Variants in SGK1 observed in about 807,000 individuals in gnomAD.
SGK1 encodes serine/threonine-protein kinase Sgk1.
SGK1 carries 26 observed loss-of-function variants against 64.2 expected under a neutral mutation model. That is an observed-to-expected ratio of 0.40 (90% confidence interval 0.30 to 0.56). SGK1 has a LOEUF of 0.56. SGK1 is among the 20% of genes least tolerant of loss of function. The pLI is 0.38. For synonymous variants in SGK1, 265 were observed against 239.7 expected, an observed-to-expected ratio of 1.11 and a Z score of -0.98; for missense variants, 519 against 645.6, an observed-to-expected ratio of 0.80 and a Z score of 2.12.
At chr6:134,301,562 TCTTCTCTTCTCTTCTCTTCTCTTCC>T (rs1372087205) in intron 1 of SGK1, among the ~76,000 whole-genome samples, 59 of 89,594 alleles carry the variant, frequency 6.6e-4, no homozygotes, top group Admixed American at 1.3e-3. Context: ...TCTTCTCTTC[TCTTCTCTTCTCTTCTCTTCTCTTCC>T]CTTCTCTTCT....
chr6:134,226,943 C>T (rs1392743322), intron 2 of SGK1, among the ~76,000 whole-genome samples: 1 of 152,132 alleles, frequency 6.6e-6, no homozygotes, highest in African/African-American at 2.4e-5. Context: ...ACACTTTGGC[C>T]TCCCAGAATG....
intron 1 of SGK1, among the ~76,000 whole-genome samples, chr6:134,283,817 C>G: frequency 7.5e-6 from 1 of 133,566 alleles, no homozygotes; most frequent in South Asian, 2.4e-4. Context: ...GAGCCATGAT[C>G]GCAGCACTGC....
intron 1 of SGK1, among the ~76,000 whole-genome samples, chr6:134,313,435 T>C (rs926182780): frequency 7.2e-5 from 11 of 152,138 alleles, no homozygotes; most frequent in African/African-American, 2.7e-4. Context: ...GTAGTCACTA[T>C]GCCGTTAGTT....
chr6:134,259,307 T>C (rs1776728315), intron 2 of SGK1, among the ~76,000 whole-genome samples: 1 of 152,114 alleles, frequency 6.6e-6, no homozygotes, highest in Admixed American at 6.6e-5. Context: ...ACCCTCTCTC[T>C]GCTTCTAAGT....
chr6:134,297,648 G>C, intron 1 of SGK1: 1 of 438,458 alleles, frequency 2.3e-6, no homozygotes, highest in South Asian at 2.0e-5. Flanking sequence ...AATTACAGGC[G>C]TGCACCACCA....
intron 2 of SGK1, among the ~76,000 whole-genome samples, chr6:134,239,425 C>T (rs969329978): frequency 1.3e-5 from 2 of 152,172 alleles, no homozygotes; most frequent in East Asian, 1.9e-4. Context: ...TTTGAAAGGG[C>T]GTCAGCAAAT....
At chr6:134,281,718 T>A (rs1378860625) in intron 1 of SGK1, among the ~76,000 whole-genome samples, 1 of 152,018 alleles carries the variant, frequency 6.6e-6, no homozygotes, top group Non-Finnish European at 1.5e-5. Flanking sequence ...GGTCTCACTA[T>A]GTTGCCCAGG....
intron 2 of SGK1, among the ~76,000 whole-genome samples, chr6:134,242,223 C>T (rs7763991): frequency 1.2e-4 from 18 of 152,126 alleles, no homozygotes; most frequent in African/African-American, 3.9e-4. Flanking sequence ...CGGTGGCTCA[C>T]GCCTGTAATC....
Position 134,170,393 on chromosome 6 carries a change from C to T in SGK1, c.1456G>A (p.Glu486Lys), listed in dbSNP as rs754853241. 1.6e-5 allele frequency: 26 copies of T among 1,613,896 alleles called. No homozygotes were observed. In the Admixed American group the frequency reaches 1.8e-4, roughly 11 times the overall value. ...CCAATGGAGTTGGGGACAGGCTCTT[C>T]GGTAAACTCGGGGTCAAAGTGCCGT... ...DLRHFDPEFT[E>K]EPVPNSIGKS... Residue 486 changes from glutamate to lysine, a missense_variant, in exon 14 of 14, where the codon GAA becomes AAA. Glu to Lys is a moderately conservative substitution (Grantham distance 56). Transcript: ENST00000367858.
rs1298515445 is a variant in SGK1, at chr6:134,207,392, G to A, written c.325C>T (p.Pro109Ser). 6.2e-7 allele frequency: 1 copy of A among 1,612,230 alleles called. No individual in the cohort carries two copies. Among genetic ancestry groups the A allele is most frequent in the Middle Eastern group, 1.6e-4 (1 of 6,062 alleles). The change falls in exon 3 of 14, where the codon CCC becomes TCC. Residue 109 changes from proline (P) to serine (S), a missense_variant. By Grantham distance (74) the Pro-to-Ser change is moderately conservative. Coordinates refer to ENST00000367858, the MANE Select transcript of SGK1 (RefSeq NM_001143676.3). Reference sequence around the variant, plus strand: ...TTAGTCCAGAAGGTTCTTGGATCGGGCTTGGTCAGGATGTTGGCATGATTA... The same window carrying A: ...TTAGTCCAGAAGGTTCTTGGATCGGACTTGGTCAGGATGTTGGCATGATTA... ...PCNHANILTK[P>S]DPRTFWTNDD...
chr6:134,194,151 T>C (rs1335381196), intron 3 of SGK1, among the ~76,000 whole-genome samples: 2 of 150,506 alleles, frequency 1.3e-5, no homozygotes, highest in East Asian at 3.9e-4. Context: ...TTACACAGAC[T>C]GTGGCCCCAG....
chr6:134,284,450 G>C (rs1248307753), intron 1 of SGK1, among the ~76,000 whole-genome samples: 7 of 151,406 alleles, frequency 4.6e-5, no homozygotes, highest in African/African-American at 1.7e-4. Context: ...ACTTAGAAGT[G>C]AGAACATATG....
rs548281620 is a variant in SGK1 at position 134,170,224 on chromosome 6, C to G, written c.*44G>C. 6.5e-7 allele frequency: 1 copy of G among 1,528,804 alleles called. No individual in the cohort carries two copies. Among genetic ancestry groups the G allele is most frequent in the Non-Finnish European group, 8.9e-7 (1 of 1,123,054 alleles). 94.7% of individuals were successfully genotyped at this position (1,528,804 alleles called of 1,614,324 possible). On this transcript the variant is annotated 3_prime_UTR_variant, in exon 14 of 14. Coordinates refer to ENST00000367858, the MANE Select transcript of SGK1 (RefSeq NM_001143676.3). ...CCACCAAAAGGCTAACTAAAACATT[C>G]GGAAACACACATAAAATCCTTTAAA... is the stretch of plus-strand genomic sequence containing the variant.
In SGK1 at chr6:134,310,985, A is replaced by G. The variant is rs574023306; in HGVS notation, c.69+6407T>C. 2.0e-5 allele frequency among the ~76,000 whole-genome samples: 3 copies of G among 152,352 alleles called. No homozygotes were observed. In the East Asian group the frequency reaches 5.8e-4, roughly 29 times the overall value. On this transcript the variant is annotated intron_variant, in intron 1 of 13. Transcript: ENST00000367858. ...CTGTCTTGTTTGGCCTGACAAGAAA[A>G]GTATCATAGAAGAGAAGGTGTGTTA...
At chr6:134,275,300 G>C (rs1777003487) in intron 1 of SGK1, among the ~76,000 whole-genome samples, 1 of 152,106 alleles carries the variant, frequency 6.6e-6, no homozygotes, top group African/African-American at 2.4e-5. Flanking sequence ...GCCCACCTTG[G>C]CCTCCCAAAG....
At chr6:134,186,633 A>C (rs34571507) in intron 3 of SGK1, among the ~76,000 whole-genome samples, 718 of 152,294 alleles carry the variant, frequency 4.7e-3, no homozygotes, top group Middle Eastern at 0.017. Context: ...CAAGAACCTC[A>C]GTTGATTGTG....
At chr6:134,281,862 A>G (rs192204114) in intron 1 of SGK1, among the ~76,000 whole-genome samples, 1 of 152,264 alleles carries the variant, frequency 6.6e-6, no homozygotes, top group East Asian at 1.9e-4. Context: ...CGTGCCTAAT[A>G]AGGTTTAACT....
At chr6:134,175,648 T>C (rs2114644973) in intron 3 of SGK1, 1 of 1,523,018 alleles carries the variant, frequency 6.6e-7, no homozygotes, top group East Asian at 2.6e-5. Flanking sequence ...CAGCGCGCCC[T>C]GCATCTCCCC....
intron 3 of SGK1, among the ~76,000 whole-genome samples, chr6:134,175,264 G>A (rs1018301218): frequency 3.3e-5 from 5 of 152,054 alleles, no homozygotes; most frequent in African/African-American, 1.2e-4. Context: ...GGCGGCCACG[G>A]TGGCTTCGCT....
Sources: allele counts gnomAD v4.1 joint callset (sites outside exome capture counted in the v4.1 genomes callset), GRCh38; gene constraint gnomAD v4.1.1; transcripts MANE v1.5; gene names NCBI Gene and HGNC (gene_info 2026-07-23, HGNC 2026-07-21).